The following ARHGEF12 variants were observed in gnomAD, a reference collection of about 807,000 sequenced individuals.
ARHGEF12 encodes KMT2A/ARHGEF12 fusion protein.
Under a neutral mutation model 211.2 loss-of-function variants are expected in ARHGEF12, and 66 were observed. The observed-to-expected ratio is 0.31, with a 90% CI of 0.26 to 0.38. The LOEUF is 0.38. Ranked by LOEUF, ARHGEF12 falls within the 10% of genes least tolerant of loss-of-function variation. ARHGEF12 has a pLI of 1.00. For synonymous variants in ARHGEF12, 592 were observed against 638.4 expected (o/e 0.93, Z 1.09); for missense variants, 1,429 against 1,869.5 (o/e 0.76, Z 4.34).
chr11:120,476,050 T>C (rs1179529119), intron 33 of ARHGEF12: 2 of 152,704 alleles, frequency 1.3e-5, no homozygotes, highest in Non-Finnish European at 2.9e-5. Flanking sequence ...TAATAGCATT[T>C]AATCTGGTAA....
intron 27 of ARHGEF12, chr11:120,464,754 C>T: frequency 6.5e-6 from 1 of 154,188 alleles, no homozygotes; most frequent in Non-Finnish European, 1.4e-5. Context: ...CGCCTGTAAT[C>T]CCAGCACTTT....
intron 1 of ARHGEF12, among the ~76,000 whole-genome samples, chr11:120,347,544 A>G (rs1221563466): frequency 6.6e-6 from 1 of 152,112 alleles, no homozygotes; most frequent in African/African-American, 2.4e-5. Context: ...TGGAGAAAGG[A>G]TCTATCATAT....
intron 21 of ARHGEF12, 42 bp downstream of exon 21, chr11:120,449,256 C>T (rs1198394470): frequency 6.7e-7 from 1 of 1,492,886 alleles, no homozygotes; most frequent in Non-Finnish European, 9.3e-7. Flanking sequence ...GTACTCCAGG[C>T]CCTCTTCACA....
intron 7 of ARHGEF12, 86 bp from the exon 8 acceptor site, chr11:120,427,983 G>A (rs1054227174): frequency 8.7e-5 from 101 of 1,156,524 alleles, no homozygotes; most frequent in Non-Finnish European, 1.1e-4. Context: ...TAGAACTATC[G>A]AAGATTAAGT....
Position 120,485,309 on chromosome 11 carries a change from CA to C in ARHGEF12, c.*233del. 2.2e-6 allele frequency: 1 copy of C among 445,736 alleles called. No homozygotes were observed. Among genetic ancestry groups the C allele is most frequent in the Non-Finnish European group, 4.0e-6 (1 of 248,454 alleles). 27.6% of individuals were successfully genotyped at this position (445,736 alleles called of 1,614,324 possible). A position where few individuals can be genotyped will look rare whatever the true frequency, so the allele number is the denominator to read the frequency against. On this transcript the variant is annotated 3_prime_UTR_variant, in exon 41 of 41. Transcript: ENST00000397843. ...ATCCATTCCCTCACTCTACTCTCCTCACTATCGGAAATTCATTTTGATTCAG... is the reference window on the plus strand; with the variant it reads ...ATCCATTCCCTCACTCTACTCTCCTCCTATCGGAAATTCATTTTGATTCAG...
intron 11 of ARHGEF12, among the ~76,000 whole-genome samples, chr11:120,435,518 T>TG (rs1258852486): frequency 6.8e-6 from 1 of 147,310 alleles, no homozygotes; most frequent in East Asian, 2.0e-4. Flanking sequence ...CAAGCTTTTT[T>TG]TTTTTTTTTT....
intron 1 of ARHGEF12, among the ~76,000 whole-genome samples, chr11:120,354,864 A>T (rs1314854416): frequency 1.3e-5 from 2 of 152,066 alleles, no homozygotes. Context: ...ATAGATGTGG[A>T]GACTTTATAG....
At chr11:120,348,044 G>A (rs1039049926) in intron 1 of ARHGEF12, among the ~76,000 whole-genome samples, 2 of 152,114 alleles carry the variant, frequency 1.3e-5, no homozygotes, top group Admixed American at 6.5e-5. Context: ...TTATATTAAA[G>A]TAGTCTTTAT....
intron 1 of ARHGEF12, among the ~76,000 whole-genome samples, chr11:120,356,487 A>G (rs1337000252): frequency 6.6e-6 from 1 of 152,136 alleles, no homozygotes; most frequent in Non-Finnish European, 1.5e-5. Flanking sequence ...CAAAAGAGCT[A>G]GGATTACAGG....
intron 22 of ARHGEF12, among the ~76,000 whole-genome samples, chr11:120,453,028 C>T (rs1015329419): frequency 1.4e-5 from 2 of 146,476 alleles, no homozygotes; most frequent in South Asian, 2.1e-4. Flanking sequence ...CAAAAAAAAA[C>T]GACAAGATAA....
chr11:120,351,402 G>A (rs1942939426), intron 1 of ARHGEF12, among the ~76,000 whole-genome samples: 1 of 117,018 alleles, frequency 8.5e-6, no homozygotes, highest in Non-Finnish European at 1.8e-5. Flanking sequence ...TGGGATGTAG[G>A]AAAGGAATAT....
chr11:120,399,347 A>AAAAAAAG (rs1565453341), intron 1 of ARHGEF12, among the ~76,000 whole-genome samples: 1 of 148,694 alleles, frequency 6.7e-6, no homozygotes, highest in Non-Finnish European at 1.5e-5. Context: ...AAAAAAAAAA[A>AAAAAAAG]AAAAGAAAAG....
intron 1 of ARHGEF12, among the ~76,000 whole-genome samples, chr11:120,365,165 T>A (rs661139): frequency 0.1 from 15,667 of 152,260 alleles, 1,701 homozygotes; most frequent in East Asian, 0.63. Context: ...TATGTTGTTT[T>A]CTAGGCTTTT....
At chr11:120,449,425 G>C in intron 21 of ARHGEF12, 1 of 487,268 alleles carries the variant, frequency 2.1e-6, no homozygotes, top group Non-Finnish European at 3.6e-6. Flanking sequence ...CGTGGGCTGG[G>C]CGTGGTGATT....
rs760978563 is a variant in ARHGEF12, at chr11:120,446,984, C to T, written c.1488C>T (p.Ser496=). ...KRSMGLTLAE[S]ELTKLDAERD... The stretch of plus-strand genomic sequence containing the variant: ...GTATGGGACTGACCTTGGCTGAAAG[C>T]GAGCTGACTAAACTTGATGCAGAGC... Residue 496 remains serine (S), a synonymous_variant, in exon 18 of 41, where the codon AGC becomes AGT. Transcript: ENST00000397843. 18 of 1,614,026 alleles carry T rather than the reference C, an allele frequency of 1.1e-5. No individual in the cohort carries two copies. The highest frequency in any genetic ancestry group is 1.1e-4 in the African/African-American group (8 of 74,926).
intron 6 of ARHGEF12, 136 bp from the exon 7 acceptor site, chr11:120,424,222 T>G: frequency 9.2e-6 from 5 of 542,348 alleles, no homozygotes; most frequent in Non-Finnish European, 1.6e-5. Context: ...GAATATTGAA[T>G]CAAATACATA....
intron 1 of ARHGEF12, among the ~76,000 whole-genome samples, chr11:120,343,817 A>G (rs947593515): frequency 4.6e-5 from 7 of 152,358 alleles, no homozygotes; most frequent in Admixed American, 4.6e-4. Flanking sequence ...TTTTGGTGTT[A>G]TATAACACAT....
chr11:120,432,022 T>C lies in ARHGEF12; in HGVS notation c.924+111T>C, dbSNP rs1232651616. On this transcript the variant is annotated intron_variant, in intron 11 of 40. Coordinates refer to ENST00000397843, the MANE Select transcript of ARHGEF12 (RefSeq NM_015313.3). ...AGAGGTGTCTTAGCACTTTTTACCA[T>C]CCCCATTTTTAATGTACCAATTTGA... is the stretch of plus-strand genomic sequence containing the variant. 13 of 997,634 alleles carry C rather than the reference T, an allele frequency of 1.3e-5. 2 individuals carry two copies. In the East Asian group the frequency reaches 3.5e-4, roughly 27 times the overall value. The allele number at this position is 997,634 out of a possible 1,614,324, so 61.8% of individuals were successfully genotyped here.
intron 26 of ARHGEF12, 140 bp downstream of exon 26, chr11:120,459,460 G>A: frequency 1.1e-6 from 1 of 896,952 alleles, no homozygotes; most frequent in Non-Finnish European, 1.6e-6. Flanking sequence ...GGAATGATTG[G>A]AACTTTGACT....
Sources: gnomAD v4.1 joint callset for allele counts (sites outside exome capture counted in the v4.1 genomes callset) on GRCh38, gnomAD v4.1.1 for gene constraint, MANE v1.5 for transcripts, NCBI Gene and HGNC (gene_info 2026-07-23, HGNC 2026-07-21) for gene names.